Variants in TPP2 observed in about 807,000 individuals in gnomAD.
The protein encoded by TPP2 is tripeptidyl-peptidase 2.
TPP2 carries 34 observed loss-of-function variants against 155.9 expected under a neutral mutation model. The ratio of observed to expected loss-of-function variants is 0.22; its 90% CI spans 0.17 to 0.29. The LOEUF is 0.29. Ranked by LOEUF, TPP2 falls within the 10% of genes least tolerant of loss-of-function variation. The pLI is 1.00. For synonymous variants in TPP2, 510 were observed against 529.4 expected, an observed-to-expected ratio of 0.96 and a Z score of 0.50; for missense variants, 1,028 against 1,522.3, an observed-to-expected ratio of 0.68 and a Z score of 5.40.
intron 27 of TPP2, among the ~76,000 whole-genome samples, chr13:102,668,790 G>A (rs980801351): frequency 6.6e-6 from 1 of 152,218 alleles, no homozygotes; most frequent in Admixed American, 6.5e-5. Context: ...GCATAGCAAG[G>A]AACAAATTAT....
At chr13:102,655,192 G>A (rs1566361337) in intron 24 of TPP2, among the ~76,000 whole-genome samples, 1 of 152,164 alleles carries the variant, frequency 6.6e-6, no homozygotes, top group African/African-American at 2.4e-5. Context: ...CATAGTTCCT[G>A]TTGTTTACTG....
intron 18 of TPP2, 110 bp from the exon 19 acceptor site, chr13:102,644,799 C>T: frequency 7.1e-7 from 1 of 1,415,044 alleles, no homozygotes; most frequent in Non-Finnish European, 9.8e-7. Context: ...TAGCAGTAGG[C>T]TTTGTGTGTG....
At chr13:102,602,856 A>G (rs748644008) in intron 1 of TPP2, among the ~76,000 whole-genome samples, 3 of 151,810 alleles carry the variant, frequency 2.0e-5, no homozygotes, top group East Asian at 1.9e-4. Flanking sequence ...GACAGTTTCT[A>G]CGGTTTTTAT....
Position 102,634,362 on chromosome 13 carries a change from C to T in TPP2, c.1393+264C>T, listed in dbSNP as rs186578799. On this transcript the variant is annotated intron_variant, in intron 11 of 29. Transcript: ENST00000376052. ...TGAACAAAGCATCAAAAATAGCTGCCTATGTGGAGGTTACATCATTATATA... is the reference window on the plus strand; with the variant it reads ...TGAACAAAGCATCAAAAATAGCTGCTTATGTGGAGGTTACATCATTATATA... 3.1e-3 allele frequency among the ~76,000 whole-genome samples: 471 copies of T among 152,144 alleles called. 4 individuals carry two copies. Among genetic ancestry groups the T allele is most frequent in the African/African-American group, 0.011 (444 of 41,494 alleles).
chr13:102,668,117 C>T (rs562252294), intron 27 of TPP2, among the ~76,000 whole-genome samples: 26 of 152,192 alleles, frequency 1.7e-4, no homozygotes, highest in Admixed American at 8.5e-4. Flanking sequence ...ATTTGTCTAG[C>T]GCAAATGATC....
chr13:102,609,121 A>G (rs535248314), intron 2 of TPP2, among the ~76,000 whole-genome samples: 1 of 152,308 alleles, frequency 6.6e-6, no homozygotes, highest in East Asian at 1.9e-4. Flanking sequence ...ACACCATGCA[A>G]GGGGCCTGGA....
At chr13:102,621,361 A>G (rs1881153628) in intron 5 of TPP2, among the ~76,000 whole-genome samples, 1 of 152,174 alleles carries the variant, frequency 6.6e-6, no homozygotes. Flanking sequence ...TCTAGATTCC[A>G]TGGAAGCAAG....
intron 6 of TPP2, among the ~76,000 whole-genome samples, chr13:102,623,981 T>C (rs1881362953): frequency 6.6e-6 from 1 of 152,188 alleles, no homozygotes; most frequent in Non-Finnish European, 1.5e-5. Flanking sequence ...ATATTTATAT[T>C]TTTGATCCGT....
chr13:102,677,885 T>TA, intron 29 of TPP2, among the ~76,000 whole-genome samples: 1 of 152,198 alleles, frequency 6.6e-6, no homozygotes, highest in East Asian at 1.9e-4. Flanking sequence ...ACATGATAGT[T>TA]ACTCAGAAAA....
Position 102,618,725 on chromosome 13 carries a change from A to G in TPP2, c.499A>G (p.Asn167Asp). 6.2e-7 allele frequency: 1 copy of G among 1,613,444 alleles called. No homozygotes were observed. The highest frequency in any genetic ancestry group is 8.5e-7 in the Non-Finnish European group (1 of 1,179,678). The change falls in exon 5 of 30, where the codon AAT becomes GAT. Residue 167 changes from asparagine (N) to aspartate (D), a missense_variant. Physicochemically the swap from Asn to Asp is conservative, Grantham distance 23 (BLOSUM62 1). This residue lies in a region of TPP2 where 300 missense variants were observed against 398.3 expected (regional missense o/e 0.75). Transcript: ENST00000376052. ...AATCAGTTTTCCAACTGACTAGGCAAATAAACTAATCAAGGAGGAACTTCA... is the reference window on the plus strand; with the variant it reads ...AATCAGTTTTCCAACTGACTAGGCAGATAAACTAATCAAGGAGGAACTTCA... ...DVANNGSSQA[N>D]KLIKEELQSQ...
chr13:102,645,678 T>C (rs1253892441), intron 19 of TPP2, among the ~76,000 whole-genome samples: 2 of 152,246 alleles, frequency 1.3e-5, no homozygotes, highest in Non-Finnish European at 2.9e-5. Context: ...TGATGTTTTC[T>C]TCCTAAATCT....
At chr13:102,598,855 A>G (rs528024832) in intron 1 of TPP2, among the ~76,000 whole-genome samples, 5 of 152,400 alleles carry the variant, frequency 3.3e-5, no homozygotes. Flanking sequence ...AAAATTGATT[A>G]TAAGAGGACT....
At chr13:102,624,307 G>C (rs1382549074) in intron 6 of TPP2, among the ~76,000 whole-genome samples, 1 of 152,096 alleles carries the variant, frequency 6.6e-6, no homozygotes, top group African/African-American at 2.4e-5. Flanking sequence ...GAATGAAGTG[G>C]GATGACTTTA....
intron 16 of TPP2, among the ~76,000 whole-genome samples, chr13:102,642,562 G>C (rs903445028): frequency 1.3e-5 from 2 of 152,224 alleles, no homozygotes; most frequent in African/African-American, 4.8e-5. Flanking sequence ...CAACTGACTA[G>C]GTTCTGAGAG....
At chr13:102,676,020 T>A (rs769665947) in intron 28 of TPP2, among the ~76,000 whole-genome samples, 6 of 152,172 alleles carry the variant, frequency 3.9e-5, no homozygotes, top group Non-Finnish European at 5.9e-5. Flanking sequence ...TTAGCTCTGG[T>A]TTCTTGTGCA....
chr13:102,629,391 T>C, intron 8 of TPP2, 91 bp from the exon 9 acceptor site: 1 of 1,354,876 alleles, frequency 7.4e-7, no homozygotes, highest in Non-Finnish European at 9.5e-7. Context: ...CCAAAATTTA[T>C]GTAGCCATAT....
At chr13:102,660,602 G>A (rs957911182) in intron 25 of TPP2, among the ~76,000 whole-genome samples, 4 of 152,134 alleles carry the variant, frequency 2.6e-5, no homozygotes, top group African/African-American at 9.7e-5. Context: ...TCCCCATCAG[G>A]ATCCTTTTAT....
intron 26 of TPP2, 121 bp downstream of exon 26, chr13:102,663,865 T>A: frequency 1.3e-6 from 1 of 762,088 alleles, no homozygotes. Flanking sequence ...TTTCTCAAAT[T>A]GAATGTTGTG....
In TPP2 at chr13:102,627,929, G is replaced by C; in HGVS notation, c.1016+5G>C. ...AACTCACTGGCCAAATTCTGGGTGA[G>C]TGTTCCTTGACAGTTGTTTAGCCAT... On this transcript the variant is annotated splice_donor_5th_base_variant and intron_variant, in intron 8 of 29. Coordinates refer to ENST00000376052, the MANE Select transcript of TPP2 (RefSeq NM_001330588.2). 6.2e-7 allele frequency: 1 copy of C among 1,610,794 alleles called. No homozygotes were observed. The highest frequency in any genetic ancestry group is 8.5e-7 in the Non-Finnish European group (1 of 1,177,864).
Sources: gnomAD v4.1 joint callset for allele counts (sites outside exome capture counted in the v4.1 genomes callset) on GRCh38, gnomAD v4.1.1 for gene constraint, gnomAD v4.1.1 regional missense constraint, MANE v1.5 for transcripts, NCBI Gene and HGNC (gene_info 2026-07-23, HGNC 2026-07-21) for gene names.